Variants in MKLN1 observed in about 807,000 individuals in gnomAD.
The protein encoded by MKLN1 is muskelin 1.
A neutral mutation model predicts 99.0 loss-of-function variants in MKLN1; 18 were observed. The ratio of observed to expected loss-of-function variants is 0.18; its 90% CI spans 0.13 to 0.27. The LOEUF (loss-of-function observed/expected upper bound fraction) is 0.27, where lower values mean the gene tolerates loss of function less well. Ranked by LOEUF, MKLN1 falls within the 10% of genes least tolerant of loss-of-function variation. MKLN1 has a pLI of 1.00. For missense variants in MKLN1, 621 were observed against 875.9 expected, an observed-to-expected ratio of 0.71 and a Z score of 3.67; for synonymous variants, 288 against 293.2, an observed-to-expected ratio of 0.98 and a Z score of 0.18.
intron 2 of MKLN1, among the ~76,000 whole-genome samples, chr7:131,377,487 T>G (rs1793700097): frequency 1.3e-5 from 2 of 152,212 alleles, no homozygotes; most frequent in South Asian, 4.1e-4. Context: ...CTTTTCTTGA[T>G]TCACTTTTTC....
chr7:131,458,532 A>G (rs1796416275), intron 12 of MKLN1, among the ~76,000 whole-genome samples: 1 of 152,222 alleles, frequency 6.6e-6, no homozygotes, highest in Non-Finnish European at 1.5e-5. Flanking sequence ...AAACTATTCT[A>G]TATTATTAAC....
intron 3 of MKLN1, among the ~76,000 whole-genome samples, chr7:131,267,162 A>G (rs544623546): frequency 2.0e-5 from 3 of 151,748 alleles, no homozygotes; most frequent in African/African-American, 7.3e-5. Flanking sequence ...GTGAAACCCC[A>G]TCTCTACTAA....
At chr7:131,235,350 T>C (rs531698807) in intron 3 of MKLN1, among the ~76,000 whole-genome samples, 1 of 152,006 alleles carries the variant, frequency 6.6e-6, no homozygotes, top group Admixed American at 6.5e-5. Flanking sequence ...AGAGAGCATC[T>C]TCAGACTTCA....
intron 2 of MKLN1, among the ~76,000 whole-genome samples, chr7:131,189,468 A>C (rs905935820): frequency 3.9e-5 from 6 of 152,132 alleles, no homozygotes; most frequent in African/African-American, 2.4e-5. Flanking sequence ...GAGAGTAAAC[A>C]TAGATAGCTC....
chr7:131,214,211 T>C (rs1796946071), intron 3 of MKLN1, among the ~76,000 whole-genome samples: 1 of 152,164 alleles, frequency 6.6e-6, no homozygotes, highest in African/African-American at 2.4e-5. Flanking sequence ...CTAGCCTCAA[T>C]TATTTTCAAG....
chr7:131,267,380 T>C (rs772493737), intron 3 of MKLN1, among the ~76,000 whole-genome samples: 15 of 152,082 alleles, frequency 9.9e-5, no homozygotes, highest in Non-Finnish European at 2.1e-4. Context: ...AATGAGACTT[T>C]CTTCAACATC....
At chr7:131,227,953 A>C (rs889534936) in intron 3 of MKLN1, among the ~76,000 whole-genome samples, 3 of 152,146 alleles carry the variant, frequency 2.0e-5, no homozygotes, top group African/African-American at 7.2e-5. Context: ...GCGCGGGATG[A>C]TTTATTCTGT....
rs979929899 is a variant in MKLN1 at position 131,181,804 on chromosome 7, C to T, written c.-296-21053C>T. Among the ~76,000 whole-genome samples, 7 of 151,974 alleles carry T rather than the reference C, an allele frequency of 4.6e-5. No individual in the cohort carries two copies. In the East Asian group the frequency reaches 7.7e-4, roughly 17 times the overall value. On this transcript the variant is annotated intron_variant, in intron 2 of 7. Transcript: ENST00000416992. ...CCTCCTGAGTAGCTGGGACTATAGG[C>T]GCAAGCCACCACGCCCAGCTAATTT...
At chr7:131,248,074 ATTATTTATTTAT>A (rs71527998) in intron 3 of MKLN1, among the ~76,000 whole-genome samples, 2 of 57,254 alleles carry the variant, frequency 3.5e-5, no homozygotes, top group Admixed American at 1.3e-4. Context: ...AATTACATTT[ATTATTTATTTAT>A]TTATTTATTT....
chr7:131,472,327 T>C (rs1455704282), intron 16 of MKLN1: 1 of 152,240 alleles, frequency 6.6e-6, no homozygotes, highest in Non-Finnish European at 1.5e-5. Context: ...TAATTTCAGC[T>C]GTGTGAGCTG....
chr7:131,480,226 G>A (rs975721259), intron 17 of MKLN1, among the ~76,000 whole-genome samples: 1 of 152,034 alleles, frequency 6.6e-6, no homozygotes, highest in Non-Finnish European at 1.5e-5. Context: ...ATTGATGCTG[G>A]TGCAGTTATT....
At chr7:131,369,839 TTTG>T (rs926811825) in intron 1 of MKLN1, among the ~76,000 whole-genome samples, 2 of 152,140 alleles carry the variant, frequency 1.3e-5, no homozygotes, top group African/African-American at 4.8e-5. Flanking sequence ...GAGATTACTT[TTTG>T]TTGTTGTTGT....
chr7:131,252,790 G>A (rs1054539719), intron 3 of MKLN1, among the ~76,000 whole-genome samples: 6 of 152,132 alleles, frequency 3.9e-5, no homozygotes, highest in Admixed American at 3.9e-4. Context: ...TGTCTGTGGT[G>A]CTCTGTTCTT....
chr7:131,288,265 CT>C (rs1798162941), intron 3 of MKLN1, among the ~76,000 whole-genome samples: 2 of 152,274 alleles, frequency 1.3e-5, no homozygotes, highest in African/African-American at 4.8e-5. Context: ...TTCCTCCCTG[CT>C]TTAGCGCCAT....
chr7:131,434,493 G>A (rs1365905379), intron 9 of MKLN1, among the ~76,000 whole-genome samples: 1 of 152,046 alleles, frequency 6.6e-6, no homozygotes, highest in Non-Finnish European at 1.5e-5. Context: ...ATTTCTTAGA[G>A]TATTTTAAAG....
At chr7:131,130,448 C>T (rs1250843306) in intron 1 of MKLN1, among the ~76,000 whole-genome samples, 1 of 152,220 alleles carries the variant, frequency 6.6e-6, no homozygotes, top group Non-Finnish European at 1.5e-5. Flanking sequence ...ACGTAATCCT[C>T]ATGCCAGACC....
chr7:131,428,933 A>T (rs1584732983), intron 8 of MKLN1, 100 bp from the exon 9 acceptor site: 1 of 762,766 alleles, frequency 1.3e-6, no homozygotes, highest in Non-Finnish European at 2.2e-6. Context: ...ATTTATTTAG[A>T]TGTAGCTTCT....
intron 2 of MKLN1, among the ~76,000 whole-genome samples, chr7:131,168,907 A>G (rs1317124193): frequency 1.4e-5 from 2 of 146,246 alleles, no homozygotes; most frequent in Non-Finnish European, 3.0e-5. Flanking sequence ...TAGCTCTTCC[A>G]CCTAGGCTGG....
intron 3 of MKLN1, among the ~76,000 whole-genome samples, chr7:131,322,328 T>A (rs1798794530): frequency 6.6e-6 from 1 of 152,196 alleles, no homozygotes; most frequent in East Asian, 1.9e-4. Flanking sequence ...AAGGGTACTG[T>A]CTCACAGTGG....
Sources: allele counts gnomAD v4.1 joint callset (sites outside exome capture counted in the v4.1 genomes callset), GRCh38; gene constraint gnomAD v4.1.1; transcripts MANE v1.5; gene names NCBI Gene and HGNC (gene_info 2026-07-23, HGNC 2026-07-21).